Variants in ADCY2 observed in about 807,000 individuals in gnomAD.
ADCY2 encodes adenylate cyclase 2.
A neutral mutation model predicts 125.2 loss-of-function variants in ADCY2; 31 were observed. That is an observed-to-expected ratio of 0.25 (90% CI 0.19 to 0.33). The LOEUF is 0.33. Among genes scored for constraint, ADCY2 ranks in the 10% least tolerant of loss-of-function variants. The pLI, the probability that ADCY2 is intolerant of heterozygous loss-of-function variation, is 1.00. For synonymous variants in ADCY2, 512 were observed against 548.4 expected (o/e 0.93, Z 0.93); for missense variants, 904 against 1,418.2 (o/e 0.64, Z 5.82).
intron 2 of ADCY2, among the ~76,000 whole-genome samples, chr5:7,461,128 A>C (rs1183946378): frequency 6.6e-6 from 1 of 152,108 alleles, no homozygotes; most frequent in Non-Finnish European, 1.5e-5. Context: ...ACAAGGCATG[A>C]TGCCTGGGAT....
chr5:7,589,518 A>AGAAAGAAAAG (rs199516495), intron 3 of ADCY2, among the ~76,000 whole-genome samples: 24 of 98,402 alleles, frequency 2.4e-4, no homozygotes, highest in African/African-American at 6.7e-4. Flanking sequence ...AAGAAAAGAA[A>AGAAAGAAAAG]AGAAAGAGAA....
At chr5:7,461,458 A>G (rs983987967) in intron 2 of ADCY2, among the ~76,000 whole-genome samples, 2 of 152,248 alleles carry the variant, frequency 1.3e-5, no homozygotes, top group South Asian at 4.1e-4. Flanking sequence ...AGGTACATTC[A>G]GAGTGTATAA....
rs114295201 is a variant in ADCY2, at chr5:7,743,077, A to G, written c.1872-591A>G. Among the ~76,000 whole-genome samples, 1,044 of 152,332 alleles carry G rather than the reference A, an allele frequency of 6.9e-3. 5 individuals carry two copies. Among genetic ancestry groups the G allele is most frequent in the Non-Finnish European group, 0.011 (732 of 68,034 alleles). On this transcript the variant is annotated intron_variant, in intron 14 of 24. Coordinates refer to ENST00000338316, the MANE Select transcript of ADCY2 (RefSeq NM_020546.3). The stretch of plus-strand genomic sequence containing the variant: ...CTGTCAGTAGCAGGATTTGCAACTC[A>G]GTAGGCATGTTTTTCACATGATCAT...
chr5:7,565,307 A>G (rs1365918091), intron 3 of ADCY2, among the ~76,000 whole-genome samples: 1 of 152,258 alleles, frequency 6.6e-6, no homozygotes, highest in East Asian at 1.9e-4. Context: ...GACATTTATC[A>G]GAAGTGCTTT....
chr5:7,606,458 C>T (rs1409011634), intron 3 of ADCY2, among the ~76,000 whole-genome samples: 2 of 152,162 alleles, frequency 1.3e-5, no homozygotes, highest in Non-Finnish European at 2.9e-5. Flanking sequence ...TCTGCATTAA[C>T]TATTAATGCA....
intron 3 of ADCY2, among the ~76,000 whole-genome samples, chr5:7,614,275 G>A (rs16878820): frequency 0.015 from 2,243 of 152,176 alleles, 49 homozygotes; most frequent in African/African-American, 0.051. Flanking sequence ...GCCCTCCTAC[G>A]ACTAAGAACC....
intron 2 of ADCY2, among the ~76,000 whole-genome samples, chr5:7,470,634 ATGTGTGTG>A (rs35202661): frequency 2.0e-5 from 3 of 147,632 alleles, no homozygotes; most frequent in Non-Finnish European, 3.0e-5. Flanking sequence ...TACTGTATAT[ATGTGTGTG>A]TGTGTGTGTG....
intron 15 of ADCY2, among the ~76,000 whole-genome samples, chr5:7,755,645 G>A (rs935932671): frequency 2.0e-5 from 3 of 152,166 alleles, no homozygotes; most frequent in Non-Finnish European, 2.9e-5. Context: ...GTTTCAGAGA[G>A]GAAGAAACTG....
chr5:7,753,037 T>C (rs1742875074), intron 15 of ADCY2, among the ~76,000 whole-genome samples: 1 of 151,948 alleles, frequency 6.6e-6, no homozygotes, highest in South Asian at 2.1e-4. Context: ...TAGCTGGGAT[T>C]ACAGGCACCC....
At chr5:7,525,988 CAT>C (rs1734444448) in intron 3 of ADCY2, among the ~76,000 whole-genome samples, 2 of 152,168 alleles carry the variant, frequency 1.3e-5, no homozygotes, top group African/African-American at 2.4e-5. Flanking sequence ...ACACCCCACA[CAT>C]GTGTGGATCC....
chr5:7,722,808 A>C (rs1451314100), intron 12 of ADCY2, among the ~76,000 whole-genome samples: 1 of 151,860 alleles, frequency 6.6e-6, no homozygotes, highest in Non-Finnish European at 1.5e-5. Context: ...AGAAATACAA[A>C]AATTAACCGG....
At chr5:7,406,121 A>G (rs1307612942) in intron 1 of ADCY2, among the ~76,000 whole-genome samples, 1 of 152,018 alleles carries the variant, frequency 6.6e-6, no homozygotes, top group Non-Finnish European at 1.5e-5. Flanking sequence ...CAGTCTCCCA[A>G]AGTGCTGGGA....
intron 4 of ADCY2, among the ~76,000 whole-genome samples, chr5:7,646,886 T>A (rs899108621): frequency 1.3e-5 from 2 of 152,216 alleles, no homozygotes; most frequent in African/African-American, 4.8e-5. Context: ...AATGGGCAAT[T>A]TCGGCCACCA....
At chr5:7,615,545 C>A in intron 3 of ADCY2, among the ~76,000 whole-genome samples, 1 of 152,112 alleles carries the variant, frequency 6.6e-6, no homozygotes, top group East Asian at 1.9e-4. Context: ...ATATAGATAG[C>A]AAGTTCATCA....
In ADCY2 at chr5:7,577,714, C is replaced by A. The variant is rs79648656; in HGVS notation, c.571-48453C>A. Among the ~76,000 whole-genome samples the A allele has an allele frequency of 3.5e-3, 536 of 152,130 alleles. 3 individuals carry two copies. Among genetic ancestry groups the A allele is most frequent in the African/African-American group, 0.012 (501 of 41,480 alleles). On this transcript the variant is annotated intron_variant, in intron 3 of 24. Coordinates refer to ENST00000338316, the MANE Select transcript of ADCY2 (RefSeq NM_020546.3). The stretch of plus-strand genomic sequence containing the variant: ...GTTAATGATAATAATAATAATAAAT[C>A]AATGACAACAAAACTTACAAAATTC...
intron 4 of ADCY2, among the ~76,000 whole-genome samples, chr5:7,685,824 A>G (rs887808304): frequency 6.6e-6 from 1 of 152,184 alleles, no homozygotes; most frequent in African/African-American, 2.4e-5. Context: ...TAGCTTTTTA[A>G]TACTGGAGGA....
rs1740604240 is a variant in ADCY2 at position 7,431,573 on chromosome 5, T to A, written c.408+16803T>A. ...AGATAAAATTTTATGAAAGTTGCTT[T>A]GATTTGACCAAAATTAAACACTGTT... On this transcript the variant is annotated intron_variant, in intron 2 of 24. Transcript: ENST00000338316. Among the ~76,000 whole-genome samples the A allele has an allele frequency of 2.7e-5, 4 of 149,928 alleles. No homozygotes were observed. The South Asian group carries it at 8.3e-4, about 31-fold the overall frequency.
At chr5:7,817,270 A>G (rs553215958) in intron 23 of ADCY2, among the ~76,000 whole-genome samples, 1 of 152,290 alleles carries the variant, frequency 6.6e-6, no homozygotes, top group East Asian at 1.9e-4. Flanking sequence ...ATCCACTAAG[A>G]GCTGCTACAT....
At chr5:7,401,458 AAG>A (rs1739261660) in intron 1 of ADCY2, among the ~76,000 whole-genome samples, 1 of 152,180 alleles carries the variant, frequency 6.6e-6, no homozygotes, top group Non-Finnish European at 1.5e-5. Context: ...GGAAAATAGC[AAG>A]TTTTCTTGTT....
Sources: allele counts gnomAD v4.1 joint callset (sites outside exome capture counted in the v4.1 genomes callset), GRCh38; gene constraint gnomAD v4.1.1; transcripts MANE v1.5; gene names NCBI Gene and HGNC (gene_info 2026-07-23, HGNC 2026-07-21).